CMPK1: variants seen among roughly 807,000 people sequenced by gnomAD.
The protein encoded by CMPK1 is cytidine/uridine monophosphate kinase 1.
In CMPK1, 10 loss-of-function variants were observed where a neutral mutation model predicts 25.7. The ratio of observed to expected loss-of-function variants is 0.39; its 90% CI spans 0.24 to 0.66. The LOEUF is 0.66. CMPK1 is among the 30% of genes least tolerant of loss of function. The probability of loss-of-function intolerance (pLI) is 0.48; values close to 1 mark genes in which losing one functional copy is unlikely to be tolerated. For synonymous variants in CMPK1, 106 were observed against 101.5 expected (o/e 1.04, Z -0.27); for missense variants, 199 against 280.5 (o/e 0.71, Z 2.08).
chr1:47,344,054 C>G (rs1646464724), intron 1 of CMPK1, among the ~76,000 whole-genome samples: 1 of 144,226 alleles, frequency 6.9e-6, no homozygotes, highest in Admixed American at 7.0e-5. Flanking sequence ...TGCAACAGAG[C>G]AAGACCATGT....
chr1:47,370,402 G>A (rs1438935063), intron 2 of CMPK1, among the ~76,000 whole-genome samples: 1 of 151,640 alleles, frequency 6.6e-6, no homozygotes, highest in African/African-American at 2.4e-5. Flanking sequence ...ACTTTGGGAG[G>A]CCGAGGCAGG....
chr1:47,334,032 T>C lies in CMPK1; in HGVS notation c.87T>C (p.Ser29=), dbSNP rs1292970200. The change falls in exon 1 of 6, where the codon TCT becomes TCC. Residue 29 remains serine (S), a synonymous_variant. Coordinates refer to ENST00000371873, the MANE Select transcript of CMPK1 (RefSeq NM_016308.3). ...CCCGCCGGCCGATTCTCCTCTGCTCTCCACGTCTCATGAAGCCGCTGGTCG... is the reference window on the plus strand; with the variant it reads ...CCCGCCGGCCGATTCTCCTCTGCTCCCCACGTCTCATGAAGCCGCTGGTCG... The part of the protein sequence containing the change: ...LQTRRPILLC[S]PRLMKPLVVF... 1.9e-6 allele frequency: 3 copies of C among 1,555,618 alleles called. No homozygotes were observed. Among genetic ancestry groups the C allele is most frequent in the Non-Finnish European group, 1.7e-6 (2 of 1,151,100 alleles).
chr1:47,368,815 G>A (rs1466116774), intron 2 of CMPK1, among the ~76,000 whole-genome samples, 200 bp downstream of exon 2: 4 of 152,030 alleles, frequency 2.6e-5, no homozygotes, highest in African/African-American at 9.7e-5. Context: ...TTTTTAAAAA[G>A]CCATGCGTGG....
chr1:47,368,943 TAAAC>T (rs1646658259), intron 2 of CMPK1, among the ~76,000 whole-genome samples: 1 of 152,096 alleles, frequency 6.6e-6, no homozygotes, highest in African/African-American at 2.4e-5. Flanking sequence ...AATAAATAAA[TAAAC>T]AACAATAATA....
At chr1:47,356,964 CTTT>C (rs11286214) in intron 1 of CMPK1, among the ~76,000 whole-genome samples, 31 of 119,254 alleles carry the variant, frequency 2.6e-4, no homozygotes, top group East Asian at 5.0e-4. Context: ...CCTGGTCTGC[CTTT>C]TTTTTTTTTT....
intron 1 of CMPK1, among the ~76,000 whole-genome samples, chr1:47,367,527 C>T (rs1181795265): frequency 2.0e-5 from 3 of 152,056 alleles, no homozygotes; most frequent in Non-Finnish European, 4.4e-5. Context: ...ATCTTAACAT[C>T]GAAGCTAAAG....
rs1456083457 is a variant in CMPK1 at position 47,359,391 on chromosome 1, T to TC, written c.172-9078_172-9077insC. The stretch of plus-strand genomic sequence containing the variant: ...GTTGTTAAGAAACCTTTTTTCTTTT[T>TC]TTTTTTTTTTTTTTGAGATAAAGTC... On this transcript the variant is annotated intron_variant, in intron 1 of 5. Transcript: ENST00000371873. Among the ~76,000 whole-genome samples the TC allele has an allele frequency of 4.0e-3, 500 of 126,160 alleles. 52 individuals are homozygous for TC. Among genetic ancestry groups the TC allele is most frequent in the African/African-American group, 0.021 (469 of 21,824 alleles). 82.8% of individuals were successfully genotyped at this position (126,160 alleles called of 152,430 possible). A position where few individuals can be genotyped will look rare whatever the true frequency, so the allele number is the denominator to read the frequency against.
At chr1:47,370,655 AT>A (rs1415314715) in intron 2 of CMPK1, among the ~76,000 whole-genome samples, 2 of 138,376 alleles carry the variant, frequency 1.4e-5, no homozygotes, top group Non-Finnish European at 3.1e-5. Flanking sequence ...AAAAAAAAAA[AT>A]GTCCGGGTGT....
intron 1 of CMPK1, among the ~76,000 whole-genome samples, chr1:47,347,016 C>T (rs2149327125): frequency 6.6e-6 from 1 of 151,140 alleles, no homozygotes; most frequent in East Asian, 2.0e-4. Context: ...CTCCTAACCT[C>T]AGATGATCCA....
chr1:47,368,171 C>T (rs1200132836), intron 1 of CMPK1, among the ~76,000 whole-genome samples: 5 of 152,078 alleles, frequency 3.3e-5, no homozygotes, highest in Non-Finnish European at 7.4e-5. Context: ...GTCTCAAACT[C>T]CTGACCTCAT....
chr1:47,370,145 C>CTGACCTCACGATCCACCCGCT lies in CMPK1; in HGVS notation c.318+1533_318+1553dup, dbSNP rs1646668375. On this transcript the variant is annotated intron_variant, in intron 2 of 5. Transcript: ENST00000371873. ...TGTTAGCCAGGATGGTCTCCATCTC[C>CTGACCTCACGATCCACCCGCT]TGACCTCACGATCCACCCGCTTGGG... is the stretch of plus-strand genomic sequence containing the variant. 2.7e-5 allele frequency among the ~76,000 whole-genome samples: 4 copies of CTGACCTCACGATCCACCCGCT among 147,928 alleles called. No individual in the cohort carries two copies. The South Asian group carries it at 8.7e-4, about 32-fold the overall frequency.
At chr1:47,357,548 GATCTC>G (rs1239201406) in intron 1 of CMPK1, among the ~76,000 whole-genome samples, 1 of 148,738 alleles carries the variant, frequency 6.7e-6, no homozygotes, top group Non-Finnish European at 1.5e-5. Flanking sequence ...GCGGTGGTGT[GATCTC>G]AGCTCACTGC....
At chr1:47,370,138 C>T (rs1396575118) in intron 2 of CMPK1, among the ~76,000 whole-genome samples, 1 of 150,168 alleles carries the variant, frequency 6.7e-6, no homozygotes, top group Non-Finnish European at 1.5e-5. Flanking sequence ...AGGATGGTCT[C>T]CATCTCCTGA....
At chr1:47,356,443 C>A (rs1646561316) in intron 1 of CMPK1, among the ~76,000 whole-genome samples, 1 of 152,088 alleles carries the variant, frequency 6.6e-6, no homozygotes, top group Non-Finnish European at 1.5e-5. Context: ...AGGGACAAGT[C>A]CTCATTTGTA....
At chr1:47,369,907 CTCTT>C (rs1646665644) in intron 2 of CMPK1, among the ~76,000 whole-genome samples, 1 of 90,304 alleles carries the variant, frequency 1.1e-5, no homozygotes, top group Non-Finnish European at 2.4e-5. Context: ...TTCTTTCTCT[CTCTT>C]TTTTTTTTTT....
chr1:47,363,216 C>G (rs1033355166), intron 1 of CMPK1, among the ~76,000 whole-genome samples: 2 of 152,142 alleles, frequency 1.3e-5, no homozygotes, highest in Non-Finnish European at 2.9e-5. Context: ...GAGGTAACCC[C>G]CATCATAAAT....
At chr1:47,347,045 AG>A (rs1254717141) in intron 1 of CMPK1, among the ~76,000 whole-genome samples, 1 of 151,696 alleles carries the variant, frequency 6.6e-6, no homozygotes, top group Non-Finnish European at 1.5e-5. Context: ...GGCCTCCCAA[AG>A]TCTTGGGATT....
rs114368309 is a variant in CMPK1, at chr1:47,367,432, C to T, written c.172-1037C>T. Among the ~76,000 whole-genome samples, 603 of 152,236 alleles carry T rather than the reference C, an allele frequency of 4.0e-3. 4 individuals are homozygous for T. The highest frequency in any genetic ancestry group is 7.5e-3 in the Non-Finnish European group (508 of 68,030). ...TCCGAAAACAGAAAACTCACCATAA[C>T]CTGGGTAATTGAAAGAGTTGCTTTT... On this transcript the variant is annotated intron_variant, in intron 1 of 5. Transcript: ENST00000371873.
intron 1 of CMPK1, among the ~76,000 whole-genome samples, chr1:47,355,752 A>G (rs1646556431): frequency 6.6e-6 from 1 of 151,962 alleles, no homozygotes; most frequent in Non-Finnish European, 1.5e-5. Flanking sequence ...GACTACAGGC[A>G]TGTACCACCA....
Sources: gnomAD v4.1 joint callset for allele counts (sites outside exome capture counted in the v4.1 genomes callset) on GRCh38, gnomAD v4.1.1 for gene constraint, MANE v1.5 for transcripts, NCBI Gene and HGNC (gene_info 2026-07-23, HGNC 2026-07-21) for gene names.